Variants in GPHN observed in about 807,000 individuals in gnomAD.
GPHN encodes the protein gephyrin.
Under a neutral mutation model 95.5 loss-of-function variants are expected in GPHN, and 17 were observed. That is an observed-to-expected ratio of 0.18 (90% confidence interval 0.12 to 0.27). The LOEUF is 0.27. Among genes scored for constraint, GPHN ranks in the 10% least tolerant of loss-of-function variants. The pLI, the probability that GPHN is intolerant of heterozygous loss-of-function variation, is 1.00. For missense variants in GPHN, 660 were observed against 978.1 expected (o/e 0.67, Z 4.34); for synonymous variants, 320 against 322.5 (o/e 0.99, Z 0.08).
At chr14:66,796,994 A>G (rs894899663) in intron 3 of GPHN, among the ~76,000 whole-genome samples, 1 of 118,578 alleles carries the variant, frequency 8.4e-6, no homozygotes, top group African/African-American at 3.1e-5. Context: ...TGATTTTTGT[A>G]TATGGTGAGA....
At chr14:67,347,502 C>CTTTTTT in the GPHN span, 3 of 1,112,678 alleles carry the variant, frequency 2.7e-6, no homozygotes, top group Non-Finnish European at 3.8e-6. Flanking sequence ...TAAGTTCTCT[C>CTTTTTT]TTTTTTTTTT....
At chr14:67,430,605 G>A in the GPHN span, among the ~76,000 whole-genome samples, 2,869 of 152,222 alleles carry the variant, frequency 0.019, 98 homozygotes, top group African/African-American at 0.066. Flanking sequence ...ATGGCATCAC[G>A]GGGATAAGAT....
chr14:67,633,738 G>A, the GPHN span, among the ~76,000 whole-genome samples: 5 of 152,192 alleles, frequency 3.3e-5, no homozygotes, highest in African/African-American at 4.8e-5. Context: ...GGCTCCTGCC[G>A]CATCTCTTTG....
At chr14:67,104,748 A>G (rs1424009525) in intron 13 of GPHN, among the ~76,000 whole-genome samples, 1 of 151,930 alleles carries the variant, frequency 6.6e-6, no homozygotes, top group Non-Finnish European at 1.5e-5. Flanking sequence ...TTTTTTTATT[A>G]GTCTAGCTAA....
chr14:67,734,470 C>T, the GPHN span: 2 of 154,724 alleles, frequency 1.3e-5, no homozygotes, highest in African/African-American at 4.8e-5. Flanking sequence ...TTTATTTTCT[C>T]AGGGCAGCAA....
intron 18 of GPHN, among the ~76,000 whole-genome samples, chr14:67,148,332 C>G (rs2081025162): frequency 6.6e-6 from 1 of 152,096 alleles, no homozygotes; most frequent in Admixed American, 6.5e-5. Context: ...AGCAAACTCA[C>G]TAAAATTTTA....
At chr14:67,273,850 T>A in the GPHN span, among the ~76,000 whole-genome samples, 2 of 152,164 alleles carry the variant, frequency 1.3e-5, no homozygotes, top group South Asian at 4.1e-4. Flanking sequence ...TGTGGTTTTG[T>A]TTTGCATTTC....
At chr14:66,720,870 A>T (rs2070676722) in intron 2 of GPHN, among the ~76,000 whole-genome samples, 1 of 152,124 alleles carries the variant, frequency 6.6e-6, no homozygotes. Flanking sequence ...GTCTCTTTGT[A>T]AAAAACAGAA....
chr14:67,660,940 A>G, the GPHN span, among the ~76,000 whole-genome samples: 2 of 152,338 alleles, frequency 1.3e-5, no homozygotes, highest in East Asian at 3.9e-4. Flanking sequence ...AAAAGCTCCC[A>G]GTACTCCCAT....
chr14:66,579,658 A>G (rs999758100), intron 1 of GPHN, among the ~76,000 whole-genome samples: 15 of 151,810 alleles, frequency 9.9e-5, no homozygotes, highest in African/African-American at 2.4e-4. Flanking sequence ...AGATACAGCA[A>G]TTGTAAACAG....
chr14:67,438,077 C>T, the GPHN span, among the ~76,000 whole-genome samples: 27 of 152,224 alleles, frequency 1.8e-4, no homozygotes, highest in Non-Finnish European at 1.0e-4. Context: ...GTCCGTGCTC[C>T]CCAGCTGTCA....
chr14:67,201,559 C>A, the GPHN span: 712 of 455,466 alleles, frequency 1.6e-3, 15 homozygotes, highest in East Asian at 0.017. Flanking sequence ...TTGGAGGATA[C>A]CTCCTGTATG....
At chr14:66,650,078 C>T (rs1426750739) in intron 1 of GPHN, among the ~76,000 whole-genome samples, 2 of 148,768 alleles carry the variant, frequency 1.3e-5, no homozygotes, top group African/African-American at 5.0e-5. Context: ...GCAGAAGACT[C>T]TAAGACTGCC....
the GPHN span, among the ~76,000 whole-genome samples, chr14:67,283,890 G>A: frequency 6.7e-3 from 1,021 of 152,266 alleles, 12 homozygotes; most frequent in South Asian, 0.031. Flanking sequence ...TTCTGCCTGC[G>A]AAGATTTGCT....
At chr14:67,422,691 G>C in the GPHN span, among the ~76,000 whole-genome samples, 1 of 152,114 alleles carries the variant, frequency 6.6e-6, no homozygotes, top group Non-Finnish European at 1.5e-5. Flanking sequence ...AGAATGCTTC[G>C]GGCTGCAAGT....
At chr14:67,257,614 G>A in the GPHN span, among the ~76,000 whole-genome samples, 35 of 151,596 alleles carry the variant, frequency 2.3e-4, no homozygotes, top group Admixed American at 2.3e-3. Context: ...AAAAAGAAAT[G>A]GCATGTATGT....
At chr14:66,526,123 A>G (rs967531185) in intron 1 of GPHN, among the ~76,000 whole-genome samples, 1 of 152,036 alleles carries the variant, frequency 6.6e-6, no homozygotes, top group East Asian at 1.9e-4. Flanking sequence ...ATTAGCATGG[A>G]ATGTTTTTCC....
intron 1 of GPHN, among the ~76,000 whole-genome samples, chr14:66,640,640 A>G (rs905038993): frequency 2.6e-5 from 4 of 152,174 alleles, no homozygotes; most frequent in African/African-American, 9.7e-5. Flanking sequence ...TCAGAGACTA[A>G]GTTTGACCTT....
the GPHN span, among the ~76,000 whole-genome samples, chr14:67,708,766 C>T: frequency 2.7e-5 from 4 of 150,822 alleles, no homozygotes; most frequent in East Asian, 3.9e-4. Flanking sequence ...ATGTCATTTT[C>T]GGACTCTAGG....
Sources: gnomAD v4.1 joint callset for allele counts (sites outside exome capture counted in the v4.1 genomes callset) on GRCh38, gnomAD v4.1.1 for gene constraint, MANE v1.5 for transcripts, NCBI Gene and HGNC (gene_info 2026-07-23, HGNC 2026-07-21) for gene names.